MGA: variants seen among roughly 807,000 people sequenced by gnomAD.
MGA encodes MAX gene-associated protein.
Under a neutral mutation model 261.1 loss-of-function variants are expected in MGA, and 40 were observed. The observed-to-expected ratio is 0.15, with a 90% CI of 0.12 to 0.20. MGA has a LOEUF of 0.20. Ranked by LOEUF, MGA falls within the 10% of genes least tolerant of loss-of-function variation. MGA has a pLI of 1.00. For synonymous variants in MGA, 1,302 were observed against 1,290.6 expected (o/e 1.01, Z -0.19); for missense variants, 3,397 against 3,630.5 (o/e 0.94, Z 1.65).
At chr15:41,731,629 ATGAATGAAT>A (rs1274189307) in intron 11 of MGA, among the ~76,000 whole-genome samples, 1 of 152,204 alleles carries the variant, frequency 6.6e-6, no homozygotes, top group Non-Finnish European at 1.5e-5. Context: ...TAAAATACCC[ATGAATGAAT>A]TTTTAAGAAG....
At chr15:41,680,953 C>T (rs2058637575) in intron 2 of MGA, among the ~76,000 whole-genome samples, 1 of 152,134 alleles carries the variant, frequency 6.6e-6, no homozygotes, top group Non-Finnish European at 1.5e-5. Context: ...CCAGTGCCAT[C>T]CTGGATCTAT....
At chr15:41,679,820 A>G (rs936076518) in intron 2 of MGA, among the ~76,000 whole-genome samples, 1 of 152,138 alleles carries the variant, frequency 6.6e-6, no homozygotes, top group African/African-American at 2.4e-5. Flanking sequence ...AGATATCTTT[A>G]CAAACTCCTT....
chr15:41,714,834 A>G (rs2060547470), intron 9 of MGA, among the ~76,000 whole-genome samples: 1 of 152,152 alleles, frequency 6.6e-6, no homozygotes, highest in African/African-American at 2.4e-5. Context: ...ACAACTTTTA[A>G]AACTGTCATA....
At chr15:41,703,248 C>T (rs1056518042) in intron 5 of MGA, among the ~76,000 whole-genome samples, 4 of 151,828 alleles carry the variant, frequency 2.6e-5, no homozygotes, top group Non-Finnish European at 5.9e-5. Context: ...TATAGATGTC[C>T]CTCAGTTGAG....
At position 41,766,634 on chromosome 15, in the gene MGA, T is replaced by G. The variant is rs2063810612; in HGVS notation, c.8552T>G (p.Met2851Arg). ...GGCCTGGCTGAACTACCCAGCTCTA[T>G]GGATACAGAGTTCCCAGGGGATGCT... Residue 2851 changes from methionine to arginine, a missense_variant, in exon 24 of 24, where the codon ATG becomes AGG. Met to Arg is a moderately conservative substitution (Grantham distance 91). Coordinates refer to ENST00000219905, the MANE Select transcript of MGA (RefSeq NM_001164273.2). The G allele has an allele frequency of 6.2e-7, 1 of 1,614,014 alleles. No homozygotes were observed. The highest frequency in any genetic ancestry group is 1.1e-5 in the South Asian group (1 of 91,086).
rs201289498 is a variant in MGA, at chr15:41,744,202, A to G, written c.5212+1030A>G. ...TATATATATATATGTGTGTGTGTGT[A>G]TATATATATATATTTTTTTGAGATG... On this transcript the variant is annotated intron_variant, in intron 15 of 23. Coordinates refer to ENST00000219905, the MANE Select transcript of MGA (RefSeq NM_001164273.2). Among the ~76,000 whole-genome samples the G allele has an allele frequency of 7.6e-4, 115 of 150,564 alleles. 1 individual carries two copies. In the Middle Eastern group the frequency reaches 0.01, roughly 14 times the overall value.
intron 20 of MGA, among the ~76,000 whole-genome samples, chr15:41,760,813 C>T (rs777480711): frequency 5.3e-5 from 8 of 152,070 alleles, no homozygotes; most frequent in African/African-American, 1.2e-4. Context: ...CTTGGCTCAC[C>T]GCAACCTTTG....
At chr15:41,657,263 C>T (rs7166831), upstream of MGA, among the ~76,000 whole-genome samples, 724 of 150,540 alleles carry the variant, frequency 4.8e-3, 7 homozygotes, top group African/African-American at 0.017. Context: ...AAATGGTGGG[C>T]AAGGATGGAG....
chr15:41,658,037 G>C (rs1371284513), upstream of MGA, among the ~76,000 whole-genome samples: 1 of 152,154 alleles, frequency 6.6e-6, no homozygotes, highest in African/African-American at 2.4e-5. Flanking sequence ...TTGCTGAATA[G>C]GAAAAGTGTG....
chr15:41,691,652 T>G (rs1413008118), intron 2 of MGA: 3 of 517,442 alleles, frequency 5.8e-6, no homozygotes, highest in Non-Finnish European at 1.2e-5. Context: ...CTCAGCTGTC[T>G]GAAAATGTCT....
At chr15:41,672,823 A>T (rs1048283334) in intron 2 of MGA, among the ~76,000 whole-genome samples, 1 of 151,970 alleles carries the variant, frequency 6.6e-6, no homozygotes, top group African/African-American at 2.4e-5. Flanking sequence ...AAATTTGCCA[A>T]CCTCTGATTT....
chr15:41,750,479 G>A lies in MGA; in HGVS notation c.6872G>A (p.Arg2291Lys), dbSNP rs2062770489. The A allele has an allele frequency of 1.9e-6, 3 of 1,613,974 alleles. No homozygotes were observed. The highest frequency in any genetic ancestry group is 2.5e-6 in the Non-Finnish European group (3 of 1,179,868). ...CCAAAGCAAGAGAAGAAGGGTGGGA[G>A]AAGCAGTGCTGACTTCACTGTTTTG... Residue 2291 changes from arginine to lysine, a missense_variant, in exon 17 of 24, where the codon AGA (arginine) becomes AAA (lysine). Around this residue, in one of 9 missense-constraint regions of MGA, gnomAD observed 1,410 missense variants for 1,386.4 expected, o/e 1.02. Coordinates refer to ENST00000219905, the MANE Select transcript of MGA (RefSeq NM_001164273.2).
chr15:41,705,198 C>T (rs1657883197), intron 5 of MGA, among the ~76,000 whole-genome samples: 1 of 152,166 alleles, frequency 6.6e-6, no homozygotes, highest in Non-Finnish European at 1.5e-5. Context: ...TGCATGACCT[C>T]AGGTGATCTG....
At position 41,669,936 on chromosome 15, in the gene MGA, T is replaced by C. The variant is rs377077736; in HGVS notation, c.1042T>C (p.Leu348=). 77 of 1,612,816 alleles carry C rather than the reference T, an allele frequency of 4.8e-5. No individual in the cohort carries two copies. In the African/African-American group the frequency reaches 9.6e-4, roughly 20 times the overall value. The stretch of plus-strand genomic sequence containing the variant: ...TTCAGCACTTAGTGAAGTTCCTCAA[T>C]TGAAGCAAGAGATTTCTGAATGGTA... The change falls in exon 2 of 24, where the codon TTG becomes CTG. Residue 348 remains leucine, a synonymous_variant. Coordinates refer to ENST00000219905, the MANE Select transcript of MGA (RefSeq NM_001164273.2).
chr15:41,681,625 A>T (rs1439192797), intron 2 of MGA, among the ~76,000 whole-genome samples: 1 of 151,394 alleles, frequency 6.6e-6, no homozygotes, highest in African/African-American at 2.4e-5. Flanking sequence ...TAATTTTTTT[A>T]TTTTTGTAGA....
At chr15:41,685,631 T>C (rs1292355826) in intron 2 of MGA, among the ~76,000 whole-genome samples, 1 of 152,306 alleles carries the variant, frequency 6.6e-6, no homozygotes, top group South Asian at 2.1e-4. Flanking sequence ...ATTCATTCTT[T>C]TCAGTCTTTA....
At position 41,748,794 on chromosome 15, in the gene MGA, G is replaced by A. The variant is rs745810304; in HGVS notation, c.5370G>A (p.Gln1790=). The change falls in exon 16 of 24, where the codon CAG becomes CAA. Residue 1790 remains glutamine, a synonymous_variant. Transcript: ENST00000219905. ...TTCAGGGACATCGGATGGTCTTGCA[G>A]CCTGTTAGGAGTCCAAGTGGAATGA... is the stretch of plus-strand genomic sequence containing the variant. The A allele has an allele frequency of 1.5e-5, 24 of 1,613,856 alleles. No homozygotes were observed. The East Asian group carries it at 4.7e-4, about 31-fold the overall frequency.
At chr15:41,729,135 T>G (rs2061385811) in intron 10 of MGA, 29 bp from the exon 11 acceptor site, 1 of 1,603,466 alleles carries the variant, frequency 6.2e-7, no homozygotes, top group Non-Finnish European at 8.5e-7. Context: ...TCCCACTGTA[T>G]GGAATATTTT....
chr15:41,639,222 C>CTTAT (rs764848018), intron 1 of MGA, among the ~76,000 whole-genome samples: 3 of 152,040 alleles, frequency 2.0e-5, no homozygotes, highest in Non-Finnish European at 4.4e-5. Flanking sequence ...TTTTCCTTGT[C>CTTAT]TTATGGTTTC....
Sources: allele counts gnomAD v4.1 joint callset (sites outside exome capture counted in the v4.1 genomes callset), GRCh38; gene constraint gnomAD v4.1.1; regional missense constraint gnomAD v4.1.1; transcripts MANE v1.5; gene names NCBI Gene and HGNC (gene_info 2026-07-23, HGNC 2026-07-21).